Variants in SND1 observed in about 807,000 individuals in gnomAD.
The protein encoded by SND1 is staphylococcal nuclease and tudor domain containing 1.
A neutral mutation model predicts 121.7 loss-of-function variants in SND1; 38 were observed. The ratio of observed to expected loss-of-function variants is 0.31; its 90% CI spans 0.24 to 0.41. SND1 has a LOEUF of 0.41. SND1 is among the 10% of genes least tolerant of loss of function. The pLI is 1.00. For synonymous variants in SND1, 401 were observed against 447.4 expected (o/e 0.90, Z 1.31); for missense variants, 868 against 1,184.6 (o/e 0.73, Z 3.92).
chr7:128,081,642 C>T (rs1793604392), intron 18 of SND1, 141 bp downstream of exon 18: 3 of 887,746 alleles, frequency 3.4e-6, no homozygotes, highest in Admixed American at 2.3e-5. Flanking sequence ...CACGTTGCCG[C>T]CCCTGTCTCC....
intron 10 of SND1, among the ~76,000 whole-genome samples, chr7:127,800,665 T>G (rs1182393120): frequency 6.6e-6 from 1 of 152,196 alleles, no homozygotes; most frequent in Non-Finnish European, 1.5e-5. Context: ...AACAAACATC[T>G]GGGTTCCTTT....
intron 9 of SND1, among the ~76,000 whole-genome samples, chr7:127,720,210 G>A (rs766432366): frequency 4.6e-5 from 7 of 152,150 alleles, no homozygotes; most frequent in Non-Finnish European, 8.8e-5. Flanking sequence ...TTTGTTTCAC[G>A]CATGAAAGAG....
rs114869973 is a variant in SND1, at chr7:127,707,743, A to G, written c.1038+96A>G. On this transcript the variant is annotated intron_variant, in intron 9 of 23. Transcript: ENST00000354725. ...CAATTAGAAATGCTGAAGCTCTTGA[A>G]AATTTCAAGGCAAGCCAGTAGGAGT... 2.0e-3 allele frequency: 2,050 copies of G among 1,023,894 alleles called. 31 individuals are homozygous for G. In the African/African-American group the frequency reaches 0.027, roughly 14 times the overall value. The allele number at this position is 1,023,894 out of a possible 1,614,324, so 63.4% of individuals were successfully genotyped here. A position where few individuals can be genotyped will look rare whatever the true frequency, so the allele number is the denominator to read the frequency against.
intron 1 of SND1, among the ~76,000 whole-genome samples, chr7:127,666,822 G>A (rs1795428668): frequency 6.6e-6 from 1 of 152,188 alleles, no homozygotes. Flanking sequence ...AAGGGCCTGG[G>A]ACACTGGCAT....
At chr7:128,028,542 A>G (rs1803546892) in intron 16 of SND1, 1 of 798,614 alleles carries the variant, frequency 1.3e-6, no homozygotes, top group Non-Finnish European at 1.9e-6. Flanking sequence ...AAATTTTAAT[A>G]TAATCTGTTT....
At chr7:127,748,548 T>A (rs1208451808) in intron 10 of SND1, among the ~76,000 whole-genome samples, 2 of 152,208 alleles carry the variant, frequency 1.3e-5, no homozygotes, top group Non-Finnish European at 2.9e-5. Flanking sequence ...AGGAAAGAGA[T>A]GAAATATTTC....
At chr7:127,653,079 AG>A (rs1336576275) in intron 1 of SND1, among the ~76,000 whole-genome samples, 1 of 152,226 alleles carries the variant, frequency 6.6e-6, no homozygotes, top group Non-Finnish European at 1.5e-5. Context: ...GGCTTGAAGA[AG>A]GCAAGTGACT....
intron 11 of SND1, among the ~76,000 whole-genome samples, chr7:127,821,237 T>C (rs1798541596): frequency 2.0e-5 from 3 of 152,340 alleles, no homozygotes; most frequent in East Asian, 1.9e-4. Flanking sequence ...GGCCAGTGTA[T>C]GTGTGTCCTT....
chr7:127,673,229 A>G (rs1795557271), intron 1 of SND1, among the ~76,000 whole-genome samples: 1 of 147,320 alleles, frequency 6.8e-6, no homozygotes, highest in African/African-American at 2.5e-5. Flanking sequence ...GTAATGTTAT[A>G]TATGATATAT....
intron 10 of SND1, among the ~76,000 whole-genome samples, chr7:127,738,346 G>A (rs536180238): frequency 4.1e-5 from 6 of 147,566 alleles, no homozygotes; most frequent in Non-Finnish European, 3.0e-5. Context: ...GTGCAATGGC[G>A]CGATCTCGGC....
chr7:127,662,281 A>G (rs1280528418), intron 1 of SND1, among the ~76,000 whole-genome samples: 1 of 152,094 alleles, frequency 6.6e-6, no homozygotes, highest in Non-Finnish European at 1.5e-5. Context: ...GTCAATCTCT[A>G]TGTGTCTGGC....
intron 11 of SND1, among the ~76,000 whole-genome samples, chr7:127,837,686 G>T (rs1378114249): frequency 6.6e-6 from 1 of 152,196 alleles, no homozygotes; most frequent in Non-Finnish European, 1.5e-5. Context: ...ATGAATGGGT[G>T]ATTGATGTGT....
intron 10 of SND1, among the ~76,000 whole-genome samples, chr7:127,800,751 A>C (rs1335941382): frequency 1.3e-5 from 2 of 152,196 alleles, no homozygotes; most frequent in Non-Finnish European, 2.9e-5. Flanking sequence ...TTACACACAC[A>C]GTTGAAAGTC....
intron 14 of SND1, among the ~76,000 whole-genome samples, chr7:127,918,214 A>T (rs1195635197): frequency 1.3e-5 from 2 of 151,476 alleles, no homozygotes; most frequent in African/African-American, 4.8e-5. Context: ...GCCTGCCACC[A>T]TAGCCGGCTA....
At chr7:127,985,911 C>T (rs565667598) in intron 15 of SND1, among the ~76,000 whole-genome samples, 2 of 152,330 alleles carry the variant, frequency 1.3e-5, no homozygotes, top group South Asian at 2.1e-4. Context: ...ACACCGTTGA[C>T]TAATCCTTCA....
intron 10 of SND1, 99 bp from the exon 11 acceptor site, chr7:127,807,385 A>C: frequency 2.2e-6 from 2 of 894,546 alleles, no homozygotes; most frequent in Non-Finnish European, 3.6e-6. Flanking sequence ...TGCGATACTA[A>C]GAGATAACCA....
chr7:127,782,092 C>T (rs966182762), intron 10 of SND1, among the ~76,000 whole-genome samples: 1 of 152,160 alleles, frequency 6.6e-6, no homozygotes, highest in Non-Finnish European at 1.5e-5. Context: ...TAGTTTCATG[C>T]CCTGCCTGGC....
chr7:127,920,457 A>G (rs1011058446), intron 14 of SND1, among the ~76,000 whole-genome samples: 4 of 152,202 alleles, frequency 2.6e-5, no homozygotes, highest in African/African-American at 9.7e-5. Flanking sequence ...GAGGGCTATC[A>G]TTTACAAAGC....
Position 127,868,504 on chromosome 7 carries a change from T to C in SND1, c.1344-19398T>C, listed in dbSNP as rs1214259893. On this transcript the variant is annotated intron_variant, in intron 12 of 23. Transcript: ENST00000354725. ...TTTGACTTAACAAATGCTCGTGTCC[T>C]TTCCATGGCTCCCCATGGGGTATGT... is the stretch of plus-strand genomic sequence containing the variant. 3.3e-5 allele frequency among the ~76,000 whole-genome samples: 5 copies of C among 152,348 alleles called. No individual in the cohort carries two copies. The East Asian group carries it at 9.7e-4, about 29-fold the overall frequency.
Sources: allele counts gnomAD v4.1 joint callset (sites outside exome capture counted in the v4.1 genomes callset), GRCh38; gene constraint gnomAD v4.1.1; transcripts MANE v1.5; gene names NCBI Gene and HGNC (gene_info 2026-07-23, HGNC 2026-07-21).